The following CNTN4 variants were observed in gnomAD, a reference collection of about 807,000 sequenced individuals.
CNTN4 encodes the protein contactin-4.
CNTN4 carries 77 observed loss-of-function variants against 122.5 expected under a neutral mutation model. The observed-to-expected ratio is 0.63, with a 90% CI of 0.52 to 0.76. The LOEUF (loss-of-function observed/expected upper bound fraction) is 0.76. Among genes scored for constraint, CNTN4 ranks in the 30% least tolerant of loss-of-function variants. CNTN4 has a pLI of 0.00. For synonymous variants in CNTN4, 512 were observed against 447.0 expected, an observed-to-expected ratio of 1.15 and a Z score of -1.83; for missense variants, 1,256 against 1,259.1, an observed-to-expected ratio of 1.00 and a Z score of 0.04.
intron 2 of CNTN4, among the ~76,000 whole-genome samples, chr3:2,226,978 T>A (rs2039308672): frequency 1.3e-5 from 2 of 152,178 alleles, no homozygotes; most frequent in African/African-American, 4.8e-5. Context: ...GTGTAAATTA[T>A]CTGATGTCAC....
intron 14 of CNTN4, among the ~76,000 whole-genome samples, chr3:3,011,107 C>T (rs535867282): frequency 2.6e-4 from 39 of 152,256 alleles, no homozygotes; most frequent in African/African-American, 7.7e-4. Context: ...ACCCTTAGTC[C>T]TTGCATAATT....
At chr3:3,010,491 A>G (rs1464184566) in intron 14 of CNTN4, among the ~76,000 whole-genome samples, 1 of 151,364 alleles carries the variant, frequency 6.6e-6, no homozygotes, top group Non-Finnish European at 1.5e-5. Flanking sequence ...AAATCCTTGT[A>G]CTACTGTTTA....
chr3:2,468,475 G>GT (rs1175426461), intron 3 of CNTN4, among the ~76,000 whole-genome samples: 1 of 152,120 alleles, frequency 6.6e-6, no homozygotes, highest in Non-Finnish European at 1.5e-5. Flanking sequence ...CATTTTAAGG[G>GT]TATCATATAT....
chr3:2,439,811 C>T (rs1407351412), intron 3 of CNTN4, among the ~76,000 whole-genome samples: 1 of 152,130 alleles, frequency 6.6e-6, no homozygotes, highest in East Asian at 1.9e-4. Flanking sequence ...TTGTGATCCT[C>T]CATTTCCAGT....
At chr3:3,031,042 C>A (rs2125676197) in intron 16 of CNTN4, 67 bp downstream of exon 16, 1 of 1,596,328 alleles carries the variant, frequency 6.3e-7, no homozygotes, top group East Asian at 2.2e-5. Flanking sequence ...GCGCAGAGTT[C>A]CAGAAACCTC....
chr3:2,276,745 G>A (rs944844220), intron 2 of CNTN4, among the ~76,000 whole-genome samples: 11 of 152,072 alleles, frequency 7.2e-5, no homozygotes, highest in East Asian at 5.8e-4. Context: ...GTGAAACCCC[G>A]TCTCTACTAA....
At chr3:2,690,374 G>A (rs2085666244) in intron 4 of CNTN4, among the ~76,000 whole-genome samples, 1 of 152,106 alleles carries the variant, frequency 6.6e-6, no homozygotes, top group Admixed American at 6.6e-5. Context: ...TAGCATATCA[G>A]AATGAGCATG....
intron 3 of CNTN4, among the ~76,000 whole-genome samples, chr3:2,473,186 G>A (rs140620751): frequency 9.7e-4 from 144 of 148,444 alleles, no homozygotes; most frequent in African/African-American, 3.4e-3. Flanking sequence ...AGCCAAAATC[G>A]TGCCACTGTG....
At chr3:2,199,002 G>C (rs2149378328) in intron 2 of CNTN4, among the ~76,000 whole-genome samples, 1 of 152,272 alleles carries the variant, frequency 6.6e-6, no homozygotes. Context: ...CTAAGGCAAG[G>C]AAGAAGTGTC....
chr3:3,051,928 G>A (rs1386469857), intron 23 of CNTN4, among the ~76,000 whole-genome samples: 1 of 152,160 alleles, frequency 6.6e-6, no homozygotes, highest in Non-Finnish European at 1.5e-5. Context: ...CTCAACGCAT[G>A]ATCCCTGGAC....
chr3:2,932,916 G>A (rs967801445), intron 13 of CNTN4, among the ~76,000 whole-genome samples: 3 of 152,002 alleles, frequency 2.0e-5, no homozygotes, highest in Non-Finnish European at 4.4e-5. Flanking sequence ...TCCGCCTCCC[G>A]GGTTCACATC....
At chr3:2,772,978 C>T (rs73807927) in intron 6 of CNTN4, among the ~76,000 whole-genome samples, 2 of 152,076 alleles carry the variant, frequency 1.3e-5, no homozygotes, top group African/African-American at 4.8e-5. Context: ...TCCAGTACAA[C>T]AGAGAAATCA....
At chr3:2,534,388 T>A (rs564462807) in intron 3 of CNTN4, among the ~76,000 whole-genome samples, 2 of 152,334 alleles carry the variant, frequency 1.3e-5, no homozygotes, top group East Asian at 3.9e-4. Context: ...CTTGTTTTTG[T>A]CAGGTTTGTC....
chr3:2,472,088 G>T (rs886679163), intron 3 of CNTN4, among the ~76,000 whole-genome samples: 1 of 149,518 alleles, frequency 6.7e-6, no homozygotes, highest in Non-Finnish European at 1.5e-5. Context: ...GGTGGTGCAC[G>T]CCTGTAATCC....
chr3:2,638,169 A>T (rs574546915), intron 4 of CNTN4, among the ~76,000 whole-genome samples: 6 of 152,300 alleles, frequency 3.9e-5, no homozygotes, highest in African/African-American at 1.4e-4. Flanking sequence ...TTTTTCCATT[A>T]ACTTCTACCT....
chr3:2,396,659 T>G (rs1046030708), intron 3 of CNTN4, among the ~76,000 whole-genome samples: 2 of 151,710 alleles, frequency 1.3e-5, no homozygotes, highest in Non-Finnish European at 2.9e-5. Flanking sequence ...TGTCTGGGTT[T>G]TTTTTTTTTT....
intron 16 of CNTN4, among the ~76,000 whole-genome samples, chr3:3,034,152 GC>G (rs67990919): frequency 0.015 from 2,236 of 152,280 alleles, 53 homozygotes; most frequent in African/African-American, 0.051. Flanking sequence ...AAGTTTTAAA[GC>G]CATTTGTGCT....
rs528312569 is a variant in CNTN4 at position 2,258,470 on chromosome 3, G to A, written c.-144-80708G>A. Reference sequence around the variant, plus strand: ...CATTTAGGAAATTACTTCCTAATAAGTAAGAAGTACATCTAGATAGTTGTT... The same window carrying A: ...CATTTAGGAAATTACTTCCTAATAAATAAGAAGTACATCTAGATAGTTGTT... On this transcript the variant is annotated intron_variant, in intron 2 of 24. Coordinates refer to ENST00000418658, the MANE Select transcript of CNTN4 (RefSeq NM_175607.3). 1.1e-4 allele frequency among the ~76,000 whole-genome samples: 16 copies of A among 152,030 alleles called. No homozygotes were observed. The East Asian group carries it at 3.1e-3, about 30-fold the overall frequency.
intron 2 of CNTN4, among the ~76,000 whole-genome samples, chr3:2,256,293 T>C (rs2149713320): frequency 6.6e-6 from 1 of 152,310 alleles, no homozygotes; most frequent in African/African-American, 2.4e-5. Flanking sequence ...ATTGAGGCAC[T>C]AATTAATAGT....
Sources: allele counts gnomAD v4.1 joint callset (sites outside exome capture counted in the v4.1 genomes callset), GRCh38; gene constraint gnomAD v4.1.1; transcripts MANE v1.5; gene names NCBI Gene and HGNC (gene_info 2026-07-23, HGNC 2026-07-21).